The following DNAH14 variants were observed in gnomAD, a reference collection of about 807,000 sequenced individuals.
DNAH14 encodes the protein dynein axonemal heavy chain 14.
A neutral mutation model predicts 520.9 loss-of-function variants in DNAH14; 478 were observed. That is an observed-to-expected ratio of 0.92 (90% confidence interval 0.85 to 0.99). The LOEUF (loss-of-function observed/expected upper bound fraction) is 0.99, where lower values mean the gene tolerates loss of function less well. Among genes scored for constraint, DNAH14 ranks in the 50% least tolerant of loss-of-function variants. The pLI, the probability that DNAH14 is intolerant of heterozygous loss-of-function variation, is 0.00. For synonymous variants in DNAH14, 1,581 were observed against 1,757.2 expected, an observed-to-expected ratio of 0.90 and a Z score of 2.51; for missense variants, 4,831 against 5,234.5, an observed-to-expected ratio of 0.92 and a Z score of 2.38.
intron 27 of DNAH14, among the ~76,000 whole-genome samples, chr1:225,131,306 T>TTA (rs2078396000): frequency 6.6e-6 from 1 of 152,190 alleles, no homozygotes; most frequent in South Asian, 2.1e-4. Context: ...CAGGTCTCTG[T>TTA]GGGCTAAGAT....
At chr1:225,065,477 C>T (rs1193368128) in intron 17 of DNAH14, among the ~76,000 whole-genome samples, 1 of 151,500 alleles carries the variant, frequency 6.6e-6, no homozygotes, top group Non-Finnish European at 1.5e-5. Flanking sequence ...AATCTTACTC[C>T]TCCCATCTGA....
At chr1:224,966,423 T>C (rs1169400363) in intron 5 of DNAH14, among the ~76,000 whole-genome samples, 1 of 152,122 alleles carries the variant, frequency 6.6e-6, no homozygotes, top group Non-Finnish European at 1.5e-5. Flanking sequence ...AAGACTAAAG[T>C]TTTCTTATGA....
intron 4 of DNAH14, chr1:224,961,107 C>G (rs2060816279): frequency 6.6e-6 from 1 of 152,104 alleles, no homozygotes; most frequent in Admixed American, 6.6e-5. Flanking sequence ...AGTCTCTCCC[C>G]TTTGCTGGCT....
intron 15 of DNAH14, among the ~76,000 whole-genome samples, chr1:225,049,198 A>T (rs905328877): frequency 3.3e-5 from 5 of 151,636 alleles, no homozygotes; most frequent in Non-Finnish European, 5.9e-5. Flanking sequence ...AGCTGGGATT[A>T]CAGGTGGCCC....
rs769718732 is a variant in DNAH14 at position 225,079,241 on chromosome 1, A to T, written c.2459A>T (p.Asp820Val). 3.0e-5 allele frequency: 47 copies of T among 1,547,284 alleles called. No individual in the cohort carries two copies. In the Admixed American group the frequency reaches 4.6e-4, roughly 15 times the overall value. Residue 820 changes from aspartate to valine, a missense_variant, in exon 18 of 86, where the codon GAT becomes GTT. Physicochemically the swap from Asp to Val is radical, Grantham distance 152. Coordinates refer to ENST00000682510, the MANE Select transcript of DNAH14 (RefSeq NM_001367479.1). ...TCATCATTGCAGCAGCTGGAATGTG[A>T]TCCCACTGAAATAGAAGAATTTCTG... ...VESSLQQLEC[D>V]PTEIEEFLEH...
chr1:225,124,680 C>T (rs2077556325), intron 27 of DNAH14, among the ~76,000 whole-genome samples: 1 of 152,160 alleles, frequency 6.6e-6, no homozygotes. Context: ...CCCTTAAAGT[C>T]GTCCATGAGA....
chr1:225,307,854 C>T (rs952741356), intron 59 of DNAH14, among the ~76,000 whole-genome samples: 1 of 152,124 alleles, frequency 6.6e-6, no homozygotes, highest in African/African-American at 2.4e-5. Flanking sequence ...TAGAAAGATT[C>T]CCTAGTCAAT....
In DNAH14 at chr1:225,140,928, G is replaced by A; in HGVS notation, c.4415G>A (p.Gly1472Glu). ...AACTCTCGAACAAAAGCTATACTAG[G>A]GGCATTGCTTATCCTTTATGTTCAC... ...TSNSRTKAIL[G>E]ALLILYVHCR... Residue 1472 changes from glycine (G) to glutamate (E), a missense_variant, in exon 28 of 86, where the codon GGG (glycine) becomes GAG (glutamate). Transcript: ENST00000682510. 1 of 1,551,174 alleles carries A rather than the reference G, an allele frequency of 6.4e-7. No homozygotes were observed. Among genetic ancestry groups the A allele is most frequent in the South Asian group, 1.2e-5 (1 of 84,014 alleles).
At chr1:225,057,888 C>T (rs2069366018) in intron 17 of DNAH14, among the ~76,000 whole-genome samples, 2 of 152,312 alleles carry the variant, frequency 1.3e-5, no homozygotes, top group South Asian at 4.1e-4. Context: ...CCCACTTGAT[C>T]ATGGTGGATA....
intron 36 of DNAH14, among the ~76,000 whole-genome samples, chr1:225,181,811 G>C (rs1484984339): frequency 6.6e-6 from 1 of 152,144 alleles, no homozygotes; most frequent in Non-Finnish European, 1.5e-5. Flanking sequence ...TTGAAGATCA[G>C]ATGGTTGTAG....
chr1:225,002,946 C>A lies in DNAH14; in HGVS notation c.975+19C>A, dbSNP rs1412216777. The A allele has an allele frequency of 1.5e-5, 23 of 1,502,894 alleles. No individual in the cohort carries two copies. The highest frequency in any genetic ancestry group is 2.0e-5 in the Non-Finnish European group (23 of 1,125,894). The allele number at this position is 1,502,894 out of a possible 1,614,324, so 93.1% of individuals were successfully genotyped here. A position where few individuals can be genotyped will look rare whatever the true frequency, so the allele number is the denominator to read the frequency against. ...TGTAAAGGTGAGTAGAAGTATACTA[C>A]TATAAGCTAATATTGGTATATAGAA... is the stretch of plus-strand genomic sequence containing the variant. On this transcript the variant is annotated intron_variant, in intron 9 of 85. Coordinates refer to ENST00000682510, the MANE Select transcript of DNAH14 (RefSeq NM_001367479.1).
chr1:225,391,279 GAGA>G (rs1251437647), intron 83 of DNAH14, among the ~76,000 whole-genome samples: 2 of 152,108 alleles, frequency 1.3e-5, no homozygotes, highest in African/African-American at 4.8e-5. Flanking sequence ...GGGTACATTG[GAGA>G]AGAACAAGAC....
chr1:224,953,490 A>G (rs1178720061), intron 2 of DNAH14, among the ~76,000 whole-genome samples: 1 of 152,204 alleles, frequency 6.6e-6, no homozygotes, highest in Non-Finnish European at 1.5e-5. Context: ...AAGGGCCAAG[A>G]ATATGTAAAA....
chr1:225,319,090 C>A (rs768700112), intron 61 of DNAH14, among the ~76,000 whole-genome samples: 2 of 152,104 alleles, frequency 1.3e-5, no homozygotes, highest in Non-Finnish European at 2.9e-5. Context: ...CTGCTTGTAC[C>A]AGTTTAGCTA....
At chr1:225,345,616 A>G (rs1423447055) in intron 69 of DNAH14, among the ~76,000 whole-genome samples, 3 of 152,206 alleles carry the variant, frequency 2.0e-5, no homozygotes, top group Non-Finnish European at 4.4e-5. Flanking sequence ...TTTTTTGAAA[A>G]TTGATTTTAA....
intron 36 of DNAH14, among the ~76,000 whole-genome samples, chr1:225,170,720 A>T (rs1348620205): frequency 2.0e-5 from 3 of 152,200 alleles, no homozygotes; most frequent in Non-Finnish European, 4.4e-5. Flanking sequence ...TGAGACAAAA[A>T]GTTAATAAGG....
At chr1:225,007,696 A>G (rs1317424600) in intron 10 of DNAH14, among the ~76,000 whole-genome samples, 152 bp downstream of exon 10, 1 of 152,078 alleles carries the variant, frequency 6.6e-6, no homozygotes, top group African/African-American at 2.4e-5. Context: ...TGTATTTACT[A>G]TATACAAGAA....
chr1:225,203,642 T>G (rs1326057837), intron 38 of DNAH14, among the ~76,000 whole-genome samples: 1 of 152,196 alleles, frequency 6.6e-6, no homozygotes, highest in Non-Finnish European at 1.5e-5. Context: ...TCTCAAAGGT[T>G]GGTGTAAAAA....
intron 77 of DNAH14, among the ~76,000 whole-genome samples, chr1:225,374,159 A>G (rs1407575239): frequency 1.3e-4 from 9 of 71,628 alleles, no homozygotes; most frequent in African/African-American, 3.7e-4. Context: ...ATATATATAT[A>G]TATATATATA....
Sources: allele counts gnomAD v4.1 joint callset (sites outside exome capture counted in the v4.1 genomes callset), GRCh38; gene constraint gnomAD v4.1.1; transcripts MANE v1.5; gene names NCBI Gene and HGNC (gene_info 2026-07-23, HGNC 2026-07-21).